Variants in TBCE observed in about 807,000 individuals in gnomAD.
TBCE encodes tubulin-specific chaperone E.
In TBCE, 53 loss-of-function variants were observed where a neutral mutation model predicts 77.0. The ratio of observed to expected loss-of-function variants is 0.69; its 90% CI spans 0.55 to 0.87. The LOEUF is 0.87. TBCE is among the 40% of genes least tolerant of loss of function. The pLI, the probability that TBCE is intolerant of heterozygous loss-of-function variation, is 0.00. For synonymous variants in TBCE, 235 were observed against 241.3 expected (o/e 0.97, Z 0.24); for missense variants, 624 against 622.4 (o/e 1.00, Z -0.03).
At chr1:235,399,571 GA>G (rs1678960725) in intron 2 of TBCE, among the ~76,000 whole-genome samples, 2 of 152,218 alleles carry the variant, frequency 1.3e-5, no homozygotes, top group Admixed American at 1.3e-4. Context: ...CTGAATCTGT[GA>G]AGGTTCTTGC....
At chr1:235,436,664 C>T (rs777882482) in intron 11 of TBCE, 56 bp downstream of exon 11, 14 of 1,505,356 alleles carry the variant, frequency 9.3e-6, no homozygotes, top group Non-Finnish European at 1.2e-5. Context: ...ACTCTCATGG[C>T]AGAGTTTGGA....
intron 2 of TBCE, among the ~76,000 whole-genome samples, chr1:235,396,721 CTGA>C (rs1289746302): frequency 6.6e-6 from 1 of 152,114 alleles, no homozygotes; most frequent in Non-Finnish European, 1.5e-5. Flanking sequence ...TTGCATTTCT[CTGA>C]TGATCAGTGA....
At chr1:235,398,980 G>T (rs995584465) in intron 2 of TBCE, among the ~76,000 whole-genome samples, 2 of 149,582 alleles carry the variant, frequency 1.3e-5, no homozygotes, top group African/African-American at 4.9e-5. Flanking sequence ...TTGAGACAGA[G>T]TCTCCCTCTG....
In TBCE at chr1:235,433,115, G is replaced by A. The variant is rs774676692; in HGVS notation, c.661-1089G>A. The stretch of plus-strand genomic sequence containing the variant: ...GTGGCCAAGGCCAGTGAGGTCACGG[G>A]CAGGTTTAACAGCCAGTTTAAAACC... On this transcript the variant is annotated intron_variant, in intron 7 of 16. Coordinates refer to ENST00000642610, the MANE Select transcript of TBCE (RefSeq NM_003193.5). 8 of 1,497,634 alleles carry A rather than the reference G, an allele frequency of 5.3e-6. No homozygotes were observed. The South Asian group carries it at 1.0e-4, about 19-fold the overall frequency. The allele number at this position is 1,497,634 out of a possible 1,614,324, so 92.8% of individuals were successfully genotyped here.
chr1:235,394,443 T>TTTTTTTC (rs1678606082), intron 2 of TBCE, among the ~76,000 whole-genome samples: 1 of 127,144 alleles, frequency 7.9e-6, no homozygotes, highest in African/African-American at 3.5e-5. Flanking sequence ...TTTTTTTTTT[T>TTTTTTTC]GAGACAGGTT....
intron 1 of TBCE, among the ~76,000 whole-genome samples, chr1:235,367,724 T>C (rs778055489): frequency 5.3e-5 from 8 of 152,200 alleles, no homozygotes; most frequent in Non-Finnish European, 1.0e-4. Context: ...ACGTGATCTC[T>C]AGCATTTTAA....
chr1:235,408,236 T>A (rs1679570430), intron 3 of TBCE, among the ~76,000 whole-genome samples: 1 of 152,210 alleles, frequency 6.6e-6, no homozygotes, highest in Non-Finnish European at 1.5e-5. Flanking sequence ...CACCCTGATG[T>A]GATTGTTACA....
rs969760597 is a variant in TBCE at position 235,442,900 on chromosome 1, A to G, written c.1388A>G (p.Lys463Arg). 3 of 1,614,000 alleles carry G rather than the reference A, an allele frequency of 1.9e-6. No homozygotes were observed. The highest frequency in any genetic ancestry group is 2.5e-6 in the Non-Finnish European group (3 of 1,180,028). Residue 463 changes from lysine (K) to arginine (R), a missense_variant, in exon 15 of 17, where the codon AAA becomes AGA. Transcript: ENST00000642610. ...CAACTTGATCAGAAAGTCCTGGAGA[A>G]ACAACTGCCGGGTAAGAAGAACCAG... ...PHQLDQKVLE[K>R]QLPGSMTIQK... is the part of the protein sequence containing the mutation.
At chr1:235,434,345 CT>C in intron 8 of TBCE, 65 bp downstream of exon 8, 2 of 1,369,746 alleles carry the variant, frequency 1.5e-6, no homozygotes, top group Non-Finnish European at 2.1e-6. Context: ...AATAAATGGT[CT>C]CAATTATATC....
chr1:235,443,671 C>T (rs935281123), intron 15 of TBCE, among the ~76,000 whole-genome samples: 43 of 152,130 alleles, frequency 2.8e-4, no homozygotes, highest in African/African-American at 9.7e-4. Flanking sequence ...CAAATTCTTA[C>T]GGGAGGTTTG....
At chr1:235,434,983 T>G (rs1159062976) in intron 8 of TBCE, among the ~76,000 whole-genome samples, 3 of 152,210 alleles carry the variant, frequency 2.0e-5, no homozygotes, top group African/African-American at 7.2e-5. Context: ...ATTAAATTAC[T>G]ATGTAAAATT....
At chr1:235,382,342 G>T (rs1243998509) in intron 2 of TBCE, among the ~76,000 whole-genome samples, 1 of 152,128 alleles carries the variant, frequency 6.6e-6, no homozygotes, top group Admixed American at 6.6e-5. Flanking sequence ...TAATGGGATG[G>T]CTGGGTCAAA....
chr1:235,396,772 A>G (rs1678747941), intron 2 of TBCE, among the ~76,000 whole-genome samples: 1 of 152,058 alleles, frequency 6.6e-6, no homozygotes, highest in Non-Finnish European at 1.5e-5. Context: ...TGCCATTTGT[A>G]TGCCTTCCTT....
rs1016833904 is a variant in TBCE at position 235,450,455 on chromosome 1, G to A, written c.*1693G>A. The stretch of plus-strand genomic sequence containing the variant: ...CTAATGATGCTGAAATTATTTCAAG[G>A]ATAACTCCGTGTGTGGAACAACTGG... On this transcript the variant is annotated 3_prime_UTR_variant, in exon 17 of 17. Transcript: ENST00000642610. 2 of 1,306,420 alleles carry A rather than the reference G, an allele frequency of 1.5e-6. No homozygotes were observed. The highest frequency in any genetic ancestry group is 1.5e-5 in the African/African-American group (1 of 68,532). 80.9% of individuals were successfully genotyped at this position (1,306,420 alleles called of 1,614,324 possible). A position where few individuals can be genotyped will look rare whatever the true frequency, so the allele number is the denominator to read the frequency against.
intron 8 of TBCE, 101 bp from the exon 9 acceptor site, chr1:235,435,644 C>A (rs1005558944): frequency 1.9e-5 from 21 of 1,129,082 alleles, no homozygotes; most frequent in Middle Eastern, 2.0e-4. Flanking sequence ...TGCTTCTTAT[C>A]CCCAGCCCTC....
chr1:235,375,253 T>TAAC (rs34417241), intron 1 of TBCE, among the ~76,000 whole-genome samples: 21,538 of 152,008 alleles, frequency 0.14, 1,889 homozygotes, highest in African/African-American at 0.25. Flanking sequence ...TAAAGAAGAA[T>TAAC]AACAAGAGTC....
At position 235,438,858 on chromosome 1, in the gene TBCE, G is replaced by A. The variant is rs369000163; in HGVS notation, c.1206G>A (p.Pro402=). The stretch of plus-strand genomic sequence containing the variant: ...AACAGGCTGGTGGACATAAGGATCC[G>A]GAAAAAAACAGACTCAGCGAAGAAT... ...EWKQAGGHKD[P]EKNRLSEEFL... Residue 402 remains proline, a synonymous_variant, in exon 13 of 17, where the codon CCG becomes CCA. Coordinates refer to ENST00000642610, the MANE Select transcript of TBCE (RefSeq NM_003193.5). The A allele has an allele frequency of 5.1e-5, 83 of 1,614,076 alleles. No homozygotes were observed. The highest frequency in any genetic ancestry group is 2.8e-4 in the Admixed American group (17 of 60,004).
rs778034123 is a variant in TBCE, at chr1:235,399,407, C to G, written c.101-2096C>G. ...TATTGGTGTGTCAGGCCTCAGGAAA[C>G]AGGATCTCTCTCCTGCCCTCCATTC... On this transcript the variant is annotated intron_variant, in intron 2 of 16. Coordinates refer to ENST00000642610, the MANE Select transcript of TBCE (RefSeq NM_003193.5). Among the ~76,000 whole-genome samples the G allele has an allele frequency of 5.3e-4, 80 of 152,164 alleles. 1 individual carries two copies. The highest frequency in any genetic ancestry group is 4.0e-3 in the Admixed American group (61 of 15,262).
chr1:235,405,009 C>T (rs1309075781), intron 3 of TBCE, among the ~76,000 whole-genome samples: 2 of 149,860 alleles, frequency 1.3e-5, no homozygotes, highest in Admixed American at 1.3e-4. Context: ...GTCACCCACG[C>T]TGGAGTGCAG....
Sources: gnomAD v4.1 joint callset for allele counts (sites outside exome capture counted in the v4.1 genomes callset) on GRCh38, gnomAD v4.1.1 for gene constraint, MANE v1.5 for transcripts, NCBI Gene and HGNC (gene_info 2026-07-23, HGNC 2026-07-21) for gene names.